RERE: variants seen among roughly 807,000 people sequenced by gnomAD.
The protein encoded by RERE is arginine-glutamic acid dipeptide repeats.
RERE carries 40 observed loss-of-function variants against 146.1 expected under a neutral mutation model. That is an observed-to-expected ratio of 0.27 (90% CI 0.21 to 0.36). The LOEUF is 0.36. Ranked by LOEUF, RERE falls within the 10% of genes least tolerant of loss-of-function variation. RERE has a pLI of 1.00. For missense variants in RERE, 1,933 were observed against 2,138.7 expected, an observed-to-expected ratio of 0.90 and a Z score of 1.90; for synonymous variants, 1,003 against 866.0, an observed-to-expected ratio of 1.16 and a Z score of -2.78.
chr1:8,451,925 T>C (rs1193212570), intron 11 of RERE, among the ~76,000 whole-genome samples: 4 of 152,244 alleles, frequency 2.6e-5, no homozygotes, highest in Middle Eastern at 3.4e-3. Flanking sequence ...CATTCAAAAA[T>C]ATATAATTTT....
chr1:8,383,723 G>A (rs2124411433), intron 12 of RERE, among the ~76,000 whole-genome samples: 1 of 152,198 alleles, frequency 6.6e-6, no homozygotes, highest in South Asian at 2.1e-4. Flanking sequence ...GCCGGGTGTG[G>A]TGGCACGCAC....
chr1:8,549,856 C>T (rs981759396), intron 6 of RERE, among the ~76,000 whole-genome samples: 19 of 152,166 alleles, frequency 1.2e-4, no homozygotes, highest in African/African-American at 4.1e-4. Flanking sequence ...AATTGAGGGA[C>T]ATTTGACAAA....
intron 12 of RERE, among the ~76,000 whole-genome samples, chr1:8,384,183 C>T (rs899122604): frequency 6.6e-6 from 1 of 152,138 alleles, no homozygotes; most frequent in African/African-American, 2.4e-5. Context: ...CTGTTTATTC[C>T]ACATCGTGGC....
chr1:8,651,631 C>A (rs527949012), intron 2 of RERE, among the ~76,000 whole-genome samples: 3 of 151,508 alleles, frequency 2.0e-5, no homozygotes, highest in African/African-American at 7.3e-5. Flanking sequence ...GAAGCCAAGG[C>A]AGGAGGATGA....
chr1:8,522,336 G>A (rs1465291564), intron 7 of RERE, among the ~76,000 whole-genome samples: 2 of 152,292 alleles, frequency 1.3e-5, no homozygotes, highest in African/African-American at 2.4e-5. Flanking sequence ...GTTTTCTGGT[G>A]GAAGACAACT....
rs137880222 is a variant in RERE at position 8,650,964 on chromosome 1, C to T, written c.325+5009G>A. On this transcript the variant is annotated intron_variant, in intron 2 of 22. Coordinates refer to ENST00000400908, the MANE Select transcript of RERE (RefSeq NM_001042681.2). ...AAAAATAAATTAGCTGGGTGTAGTGCCACGTGCCTGTAATCCCAGCTACTC... is the reference window on the plus strand; with the variant it reads ...AAAAATAAATTAGCTGGGTGTAGTGTCACGTGCCTGTAATCCCAGCTACTC... Among the ~76,000 whole-genome samples, 562 of 148,448 alleles carry T rather than the reference C, an allele frequency of 3.8e-3. 5 individuals carry two copies. The highest frequency in any genetic ancestry group is 0.013 in the African/African-American group (539 of 40,312).
At position 8,361,168 on chromosome 1, in the gene RERE, G is replaced by A. The variant is rs571434485; in HGVS notation, c.2339C>T (p.Thr780Met). The change falls in exon 18 of 23, where the codon ACG (threonine) becomes ATG (methionine). Residue 780 changes from threonine to methionine, a missense_variant. This residue lies in a region of RERE where 1,255 missense variants were observed against 1,153.8 expected (regional missense o/e 1.09). Transcript: ENST00000400908. ...TGGCTGGTTAGGGGCCTGGGAGGCCGTGGGGGAGCCCTGTGGGGGAACTGC... is the reference window on the plus strand; with the variant it reads ...TGGCTGGTTAGGGGCCTGGGAGGCCATGGGGGAGCCCTGTGGGGGAACTGC... ...ATAVPPQGSP[T>M]ASQAPNQPQA... 4.0e-5 allele frequency: 58 copies of A among 1,455,694 alleles called. 1 individual carries two copies. Among genetic ancestry groups the A allele is most frequent in the Middle Eastern group, 3.9e-4 (2 of 5,120 alleles). The allele number at this position is 1,455,694 out of a possible 1,614,324, so 90.2% of individuals were successfully genotyped here. A position where few individuals can be genotyped will look rare whatever the true frequency, so the allele number is the denominator to read the frequency against.
chr1:8,676,697 A>C (rs1402904091), intron 1 of RERE, among the ~76,000 whole-genome samples: 1 of 152,230 alleles, frequency 6.6e-6, no homozygotes, highest in East Asian at 1.9e-4. Context: ...CAAAGGCAGA[A>C]TCCCTCTGTG....
At chr1:8,386,992 C>G (rs1642700561) in intron 12 of RERE, among the ~76,000 whole-genome samples, 1 of 152,080 alleles carries the variant, frequency 6.6e-6, no homozygotes, top group Non-Finnish European at 1.5e-5. Flanking sequence ...ACAAGACAAG[C>G]TGATTTTAAA....
intron 11 of RERE, among the ~76,000 whole-genome samples, chr1:8,433,497 T>C (rs564386245): frequency 2.6e-5 from 4 of 152,082 alleles, no homozygotes; most frequent in Non-Finnish European, 4.4e-5. Flanking sequence ...GAAGATTCTA[T>C]GGTAATTACA....
intron 11 of RERE, among the ~76,000 whole-genome samples, chr1:8,446,799 G>A (rs546044043): frequency 2.0e-5 from 3 of 151,856 alleles, no homozygotes; most frequent in Non-Finnish European, 4.4e-5. Flanking sequence ...TCAGCCTCCC[G>A]AGTAGCTGGG....
chr1:8,662,795 C>A (rs1001006888), intron 1 of RERE, among the ~76,000 whole-genome samples: 1 of 152,194 alleles, frequency 6.6e-6, no homozygotes, highest in Non-Finnish European at 1.5e-5. Flanking sequence ...AAGCCAAGAT[C>A]CAAGTTCTTA....
chr1:8,529,287 C>CTTTTTTTTTTTTTTTTTTTTTTTTTTTT (rs34547801), intron 7 of RERE, among the ~76,000 whole-genome samples: 2 of 102,446 alleles, frequency 2.0e-5, no homozygotes, highest in African/African-American at 7.7e-5. Flanking sequence ...GTTCTCCCTT[C>CTTTTTTTTTTTTTTTTTTTTTTTTTTTT]TTTTTTTTTT....
At chr1:8,359,211 TG>T (rs1378789396) in intron 19 of RERE, among the ~76,000 whole-genome samples, 5 of 152,162 alleles carry the variant, frequency 3.3e-5, no homozygotes, top group Non-Finnish European at 5.9e-5. Context: ...GAGTGACAGC[TG>T]GGGGGCATGG....
At chr1:8,813,697 C>A (rs941974020) in intron 1 of RERE, among the ~76,000 whole-genome samples, 2 of 151,228 alleles carry the variant, frequency 1.3e-5, no homozygotes, top group African/African-American at 2.4e-5. Flanking sequence ...CTCCCTGCAA[C>A]CTCTGCCTCT....
intron 1 of RERE, among the ~76,000 whole-genome samples, chr1:8,695,708 T>C (rs1236755512): frequency 6.6e-6 from 1 of 151,178 alleles, no homozygotes; most frequent in Non-Finnish European, 1.5e-5. Flanking sequence ...TGCAGCGAGC[T>C]GAGATCACGC....
At chr1:8,413,831 G>A (rs927504628) in intron 12 of RERE, among the ~76,000 whole-genome samples, 3 of 152,088 alleles carry the variant, frequency 2.0e-5, no homozygotes, top group African/African-American at 7.2e-5. Flanking sequence ...CAAGGTGGGT[G>A]TATCATCTGA....
chr1:8,607,534 C>CTTTTTTTTTTGTTTTTTTTTT (rs1646733684), intron 4 of RERE, among the ~76,000 whole-genome samples: 1 of 48,584 alleles, frequency 2.1e-5, no homozygotes, highest in African/African-American at 8.6e-5. Context: ...ATATATATTT[C>CTTTTTTTTTTGTTTTTTTTTT]TTTTTTTTTT....
chr1:8,435,152 C>T (rs1477680440), intron 11 of RERE, among the ~76,000 whole-genome samples: 1 of 152,254 alleles, frequency 6.6e-6, no homozygotes, highest in African/African-American at 2.4e-5. Context: ...AAGCAATCTT[C>T]CAATGATGCT....
Sources: gnomAD v4.1 joint callset for allele counts (sites outside exome capture counted in the v4.1 genomes callset) on GRCh38, gnomAD v4.1.1 for gene constraint, gnomAD v4.1.1 regional missense constraint, MANE v1.5 for transcripts, NCBI Gene and HGNC (gene_info 2026-07-23, HGNC 2026-07-21) for gene names.